The following ELK3 variants were observed in gnomAD, a reference collection of about 807,000 sequenced individuals.
The protein encoded by ELK3 is ETS transcription factor ELK3.
A neutral mutation model predicts 28.9 loss-of-function variants in ELK3; 10 were observed. The ratio of observed to expected loss-of-function variants is 0.35; its 90% CI spans 0.21 to 0.59. The LOEUF (loss-of-function observed/expected upper bound fraction) is 0.59. ELK3 is among the 20% of genes least tolerant of loss of function. The probability of loss-of-function intolerance (pLI) is 0.82; values close to 1 mark genes in which losing one functional copy is unlikely to be tolerated. For synonymous variants in ELK3, 272 were observed against 243.5 expected (o/e 1.12, Z -1.09); for missense variants, 463 against 517.3 (o/e 0.90, Z 1.02).
chr12:96,201,757 A>C lies in ELK3; in HGVS notation c.-3+7052A>C, dbSNP rs571851291. Among the ~76,000 whole-genome samples the C allele has an allele frequency of 9.2e-5, 14 of 152,304 alleles. No individual in the cohort carries two copies. In the East Asian group the frequency reaches 2.7e-3, roughly 29 times the overall value. ...ATCTCCAGACATCTGACTTATAGAC[A>C]TATGCAGGAATTTAAACAAACAGCT... is the stretch of plus-strand genomic sequence containing the variant. On this transcript the variant is annotated intron_variant, in intron 1 of 4. Transcript: ENST00000228741.
intron 3 of ELK3, among the ~76,000 whole-genome samples, chr12:96,248,441 G>C (rs778407490): frequency 6.6e-6 from 1 of 152,196 alleles, no homozygotes; most frequent in African/African-American, 2.4e-5. Flanking sequence ...AGGCGTAGTA[G>C]GTGCTGGGAA....
rs563850781 is a variant in ELK3 at position 96,248,823 on chromosome 12, C to G, written c.1002+1089C>G. Reference sequence around the variant, plus strand: ...GCATTGCCTGTATCCACACTTACAGCAGCCCTGTCACGTGGATACAGGTTG... The same window carrying G: ...GCATTGCCTGTATCCACACTTACAGGAGCCCTGTCACGTGGATACAGGTTG... On this transcript the variant is annotated intron_variant, in intron 3 of 4. Coordinates refer to ENST00000228741, the MANE Select transcript of ELK3 (RefSeq NM_005230.4). Among the ~76,000 whole-genome samples, 172 of 152,348 alleles carry G rather than the reference C, an allele frequency of 1.1e-3. 1 individual carries two copies. Among genetic ancestry groups the G allele is most frequent in the Non-Finnish European group, 2.1e-3 (142 of 68,036 alleles).
At chr12:96,256,241 C>T (rs1331860259) in intron 3 of ELK3, among the ~76,000 whole-genome samples, 1 of 152,116 alleles carries the variant, frequency 6.6e-6, no homozygotes, top group Non-Finnish European at 1.5e-5. Flanking sequence ...TGGGACTCCT[C>T]CAGAGGCTAT....
chr12:96,223,264 T>A (rs765272218), intron 1 of ELK3, among the ~76,000 whole-genome samples: 9 of 152,138 alleles, frequency 5.9e-5, no homozygotes, highest in African/African-American at 1.2e-4. Flanking sequence ...AGTGGTCATG[T>A]CATTAATCAT....
chr12:96,247,779 C>CT lies in ELK3; in HGVS notation c.1002+47dup. 6.8e-7 allele frequency: 1 copy of CT among 1,465,826 alleles called. No individual in the cohort carries two copies. Among genetic ancestry groups the CT allele is most frequent in the Non-Finnish European group, 9.0e-7 (1 of 1,111,944 alleles). The allele number at this position is 1,465,826 out of a possible 1,614,324, so 90.8% of individuals were successfully genotyped here. A position where few individuals can be genotyped will look rare whatever the true frequency, so the allele number is the denominator to read the frequency against. ...TCTAAGCCACAGCCAGCTTCAGTGG[C>CT]TTAGCAAAAAAGGAAGAGCAACTAA... On this transcript the variant is annotated intron_variant, in intron 3 of 4. Coordinates refer to ENST00000228741, the MANE Select transcript of ELK3 (RefSeq NM_005230.4). This position sits in a 1 kb window ranked among gnomAD's most constrained non-coding sequence, Gnocchi z 5.5.
At position 96,247,577 on chromosome 12, in the gene ELK3, C is replaced by T; in HGVS notation, c.845C>T (p.Thr282Ile). Residue 282 changes from threonine (T) to isoleucine (I), a missense_variant, in exon 3 of 5, where the codon ACC becomes ATC. Physicochemically the swap from Thr to Ile is moderately conservative, Grantham distance 89 (BLOSUM62 -1). Coordinates refer to ENST00000228741, the MANE Select transcript of ELK3 (RefSeq NM_005230.4). The surrounding 1 kb of genome is among the most constrained non-coding windows in gnomAD (Gnocchi z 5.5). ...TTGAACCTGTCATCGGGCTCCAAGA[C>T]CAAGTCTCCATCTCTTCCCCCAAAG... ...EPLNLSSGSK[T>I]KSPSLPPKAK... The T allele has an allele frequency of 1.9e-6, 3 of 1,614,104 alleles. No homozygotes were observed. The highest frequency in any genetic ancestry group is 2.5e-6 in the Non-Finnish European group (3 of 1,180,044).
intron 1 of ELK3, among the ~76,000 whole-genome samples, chr12:96,201,983 T>A (rs1951510482): frequency 6.6e-6 from 1 of 152,170 alleles, no homozygotes. Context: ...TCAGTGACTG[T>A]CTGAGTTGGT....
intron 1 of ELK3, among the ~76,000 whole-genome samples, chr12:96,205,202 A>G (rs1951532168): frequency 6.6e-6 from 1 of 152,364 alleles, no homozygotes; most frequent in East Asian, 1.9e-4. Context: ...ACCTAGATTT[A>G]TTACAGAATT....
chr12:96,245,021 C>G (rs1049287569), intron 2 of ELK3, among the ~76,000 whole-genome samples: 1 of 152,130 alleles, frequency 6.6e-6, no homozygotes, highest in African/African-American at 2.4e-5. Flanking sequence ...CAGGATGCAG[C>G]AAGGTGGCCG....
intron 1 of ELK3, among the ~76,000 whole-genome samples, chr12:96,220,834 A>G (rs1001212525): frequency 3.0e-4 from 46 of 152,298 alleles, no homozygotes; most frequent in Admixed American, 2.8e-3. Flanking sequence ...AGTTGCCCCA[A>G]GATCACTGGC....
intron 3 of ELK3, among the ~76,000 whole-genome samples, chr12:96,249,486 A>G (rs1434853326): frequency 6.6e-6 from 1 of 152,184 alleles, no homozygotes; most frequent in Admixed American, 6.5e-5. Flanking sequence ...CCAGTGACCA[A>G]GGGCTGCTGA....
intron 1 of ELK3, among the ~76,000 whole-genome samples, chr12:96,206,378 G>A (rs4762283): frequency 0.48 from 71,918 of 151,240 alleles, 18,096 homozygotes; most frequent in Middle Eastern, 0.64. Context: ...GCGCAGTGGC[G>A]CGATCTCGGC....
intron 1 of ELK3, among the ~76,000 whole-genome samples, chr12:96,202,711 G>A (rs1951515065): frequency 6.6e-6 from 1 of 151,970 alleles, no homozygotes. Context: ...GTTTTTATTA[G>A]AGACAGGGTT....
intron 3 of ELK3, among the ~76,000 whole-genome samples, chr12:96,251,813 A>G (rs1354932564): frequency 6.6e-6 from 1 of 152,246 alleles, no homozygotes; most frequent in Non-Finnish European, 1.5e-5. Flanking sequence ...AGGTTGGTTC[A>G]TGAGGTTTAA....
chr12:96,258,592 A>C (rs1014952785), intron 3 of ELK3, among the ~76,000 whole-genome samples: 2 of 152,210 alleles, frequency 1.3e-5, no homozygotes, highest in Non-Finnish European at 2.9e-5. Context: ...TATTGACATC[A>C]CAAAACCACT....
chr12:96,249,261 T>A (rs947695466), intron 3 of ELK3, among the ~76,000 whole-genome samples: 1 of 152,184 alleles, frequency 6.6e-6, no homozygotes, highest in African/African-American at 2.4e-5. Context: ...CTGATCACGA[T>A]GGCCGTCCAT....
chr12:96,250,112 AAGG>A (rs147954987), intron 3 of ELK3, among the ~76,000 whole-genome samples: 11,642 of 152,136 alleles, frequency 0.077, 520 homozygotes, highest in African/African-American at 0.12. Flanking sequence ...CTTCGGGTCA[AAGG>A]AGGAGGAGGG....
intron 1 of ELK3, among the ~76,000 whole-genome samples, chr12:96,216,204 G>A (rs1320171580): frequency 6.6e-6 from 1 of 152,064 alleles, no homozygotes; most frequent in Non-Finnish European, 1.5e-5. Context: ...TTCGCTATCT[G>A]ACCCAACAGC....
At chr12:96,236,803 G>T (rs1392492400) in intron 2 of ELK3, among the ~76,000 whole-genome samples, 2 of 152,240 alleles carry the variant, frequency 1.3e-5, no homozygotes, top group African/African-American at 4.8e-5. Context: ...CCCCAAACTT[G>T]GTGGCTCAAA....
Sources: gnomAD v4.1 joint callset for allele counts (sites outside exome capture counted in the v4.1 genomes callset) on GRCh38, gnomAD v4.1.1 for gene constraint, Gnocchi (gnomAD v3.1) non-coding constraint, MANE v1.5 for transcripts, NCBI Gene and HGNC (gene_info 2026-07-23, HGNC 2026-07-21) for gene names.